Variants in CBLL1 observed in about 807,000 individuals in gnomAD.
CBLL1 encodes the protein E3 ubiquitin-protein ligase Hakai.
Under a neutral mutation model 44.9 loss-of-function variants are expected in CBLL1, and 4 were observed. The observed-to-expected ratio is 0.09, with a 90% confidence interval of 0.04 to 0.20. The LOEUF (loss-of-function observed/expected upper bound fraction) is 0.20. Ranked by LOEUF, CBLL1 falls within the 10% of genes least tolerant of loss-of-function variation. CBLL1 has a pLI of 1.00. For missense variants in CBLL1, 569 were observed against 636.7 expected, an observed-to-expected ratio of 0.89 and a Z score of 1.14; for synonymous variants, 235 against 202.2, an observed-to-expected ratio of 1.16 and a Z score of -1.38.
chr7:107,744,298 G>C, intron 1 of CBLL1, 122 bp downstream of exon 1: 4 of 1,210,574 alleles, frequency 3.3e-6, no homozygotes, highest in Non-Finnish European at 4.4e-6. Context: ...GCAGTGAGAA[G>C]AAATCTCACA....
In CBLL1 at chr7:107,758,709, C is replaced by A. The variant is rs942237096; in HGVS notation, c.1007C>A (p.Pro336His). ...PVVSHPHHIMPPQQHYAPPPP... is the reference protein window; with the variant it reads ...PVVSHPHHIMHPQQHYAPPPP... Reference sequence around the variant, plus strand: ...GTATCGCACCCTCATCATATTATGCCTCCACAGCAACATTATGCACCACCC... The same window carrying A: ...GTATCGCACCCTCATCATATTATGCATCCACAGCAACATTATGCACCACCC... The change falls in exon 6 of 6, where the codon CCT becomes CAT. Residue 336 changes from proline (P) to histidine (H), a missense_variant. Physicochemically the swap from Pro to His is moderately conservative, Grantham distance 77. Around this residue, in one of 5 missense-constraint regions of CBLL1, gnomAD observed 228 missense variants for 253.2 expected, o/e 0.90. Coordinates refer to ENST00000440859, the MANE Select transcript of CBLL1 (RefSeq NM_024814.4). This position sits in a 1 kb window ranked among gnomAD's most constrained non-coding sequence, Gnocchi z 4.2. 1.2e-6 allele frequency: 2 copies of A among 1,613,742 alleles called. No individual in the cohort carries two copies. The highest frequency in any genetic ancestry group is 1.3e-5 in the African/African-American group (1 of 74,792).
chr7:107,756,518 C>G (rs1435509201), intron 5 of CBLL1, among the ~76,000 whole-genome samples: 1 of 152,012 alleles, frequency 6.6e-6, no homozygotes, highest in African/African-American at 2.4e-5. Flanking sequence ...ATACATATCA[C>G]TTGTTTTTTG....
At chr7:107,750,155 C>T (rs1303692044) in intron 2 of CBLL1, among the ~76,000 whole-genome samples, 3 of 151,890 alleles carry the variant, frequency 2.0e-5, no homozygotes, top group Non-Finnish European at 4.4e-5. Context: ...TGCTATGTTG[C>T]CCAGGCTGGT....
chr7:107,749,620 G>A (rs1437801055), intron 2 of CBLL1, among the ~76,000 whole-genome samples: 1 of 142,806 alleles, frequency 7.0e-6, no homozygotes, highest in Admixed American at 7.0e-5. Context: ...TTTTTTAAGA[G>A]CAATTTGACA....
chr7:107,755,399 AAT>A lies in CBLL1; in HGVS notation c.367-16_367-15del, dbSNP rs1793485755. 6.8e-7 allele frequency: 1 copy of A among 1,479,602 alleles called. No homozygotes were observed. Among genetic ancestry groups the A allele is most frequent in the Non-Finnish European group, 9.2e-7 (1 of 1,088,070 alleles). The allele number at this position is 1,479,602 out of a possible 1,614,324, so 91.7% of individuals were successfully genotyped here. A position where few individuals can be genotyped will look rare whatever the true frequency, so the allele number is the denominator to read the frequency against. On this transcript the variant is annotated splice_polypyrimidine_tract_variant and intron_variant, in intron 4 of 5. Coordinates refer to ENST00000440859, the MANE Select transcript of CBLL1 (RefSeq NM_024814.4). ...TATAAGTTCTAATATGCTTAACTGTAATATGTCTTTGTTTACAGATTCCATGC... is the reference window on the plus strand; with the variant it reads ...TATAAGTTCTAATATGCTTAACTGTAATGTCTTTGTTTACAGATTCCATGC...
chr7:107,753,107 G>A (rs867678292), intron 2 of CBLL1, among the ~76,000 whole-genome samples: 1 of 152,124 alleles, frequency 6.6e-6, no homozygotes, highest in African/African-American at 2.4e-5. Flanking sequence ...ATTGATAAGA[G>A]CATTTGAATG....
At chr7:107,754,386 G>GC (rs1793438443) in intron 4 of CBLL1, among the ~76,000 whole-genome samples, 1 of 151,710 alleles carries the variant, frequency 6.6e-6, no homozygotes, top group African/African-American at 2.4e-5. Flanking sequence ...GCTCAGAGAG[G>GC]CTTAATAGTA....
chr7:107,746,604 T>A (rs1793031374), intron 1 of CBLL1, among the ~76,000 whole-genome samples: 2 of 152,220 alleles, frequency 1.3e-5, no homozygotes, highest in South Asian at 4.1e-4. Context: ...AGCTAGATAA[T>A]TGAAGAATCA....
At chr7:107,748,321 T>G (rs1793107298) in intron 1 of CBLL1, among the ~76,000 whole-genome samples, 1 of 152,250 alleles carries the variant, frequency 6.6e-6, no homozygotes, top group Admixed American at 6.5e-5. Flanking sequence ...TTACTATATT[T>G]CTGAATGATT....
At chr7:107,753,093 A>C (rs911251684) in intron 2 of CBLL1, among the ~76,000 whole-genome samples, 1 of 152,226 alleles carries the variant, frequency 6.6e-6, no homozygotes, top group African/African-American at 2.4e-5. Flanking sequence ...AAATAGTTTC[A>C]TGAATTGATA....
At chr7:107,753,607 G>A in intron 3 of CBLL1, 96 bp downstream of exon 3, 1 of 633,844 alleles carries the variant, frequency 1.6e-6, no homozygotes, top group Non-Finnish European at 2.6e-6. Context: ...AGTACATTAA[G>A]AATATTATGA....
rs763150452 is a variant in CBLL1, at chr7:107,758,492, C to G, written c.790C>G (p.Pro264Ala). Residue 264 changes from proline (P) to alanine (A), a missense_variant, in exon 6 of 6, where the codon CCA (proline) becomes GCA (alanine). By Grantham distance (27) the Pro-to-Ala change is conservative. Coordinates refer to ENST00000440859, the MANE Select transcript of CBLL1 (RefSeq NM_024814.4). This position sits in a 1 kb window ranked among gnomAD's most constrained non-coding sequence, Gnocchi z 4.2. ...NQPHEDIRAP[P>A]AELSMAPPPP... ...GCCACATGAGGATATTCGTGCTCCTCCAGCAGAATTGTCCATGGCTCCACC... is the reference window on the plus strand; with the variant it reads ...GCCACATGAGGATATTCGTGCTCCTGCAGCAGAATTGTCCATGGCTCCACC... The G allele has an allele frequency of 2.5e-6, 4 of 1,614,042 alleles. No homozygotes were observed. The Admixed American group carries it at 5.0e-5, about 20-fold the overall frequency.
intron 2 of CBLL1, among the ~76,000 whole-genome samples, chr7:107,751,203 AC>A (rs542261130): frequency 1.5e-3 from 231 of 152,214 alleles, no homozygotes; most frequent in African/African-American, 5.1e-3. Flanking sequence ...AGGAGCACCA[AC>A]CTAGATCCCT....
chr7:107,745,038 GTA>G (rs1792941175), intron 1 of CBLL1, among the ~76,000 whole-genome samples: 1 of 152,066 alleles, frequency 6.6e-6, no homozygotes, highest in Non-Finnish European at 1.5e-5. Flanking sequence ...AATTAGGTGT[GTA>G]TGTTTATTTA....
intron 5 of CBLL1, among the ~76,000 whole-genome samples, chr7:107,757,740 C>G (rs1195230030): frequency 1.3e-5 from 2 of 152,202 alleles, no homozygotes; most frequent in Non-Finnish European, 2.9e-5. Flanking sequence ...GCTCAACAAA[C>G]AGTTATCACT....
At chr7:107,746,130 G>C (rs746335697) in intron 1 of CBLL1, among the ~76,000 whole-genome samples, 1 of 152,156 alleles carries the variant, frequency 6.6e-6, no homozygotes, top group Non-Finnish European at 1.5e-5. Flanking sequence ...TTTGATGTTA[G>C]AATAGCAAAC....
chr7:107,750,200 A>C (rs150539876), intron 2 of CBLL1, among the ~76,000 whole-genome samples: 1 of 152,080 alleles, frequency 6.6e-6, no homozygotes, highest in African/African-American at 2.4e-5. Context: ...CTCTTGCCTT[A>C]GCCTCCCAAG....
rs1057039815 is a variant in CBLL1 at position 107,758,356 on chromosome 7, G to A, written c.654G>A (p.Glu218=). 2.5e-6 allele frequency: 4 copies of A among 1,613,880 alleles called. No individual in the cohort carries two copies. The highest frequency in any genetic ancestry group is 3.4e-6 in the Non-Finnish European group (4 of 1,180,018). The change falls in exon 6 of 6, where the codon GAG becomes GAA. Residue 218 remains glutamate, a synonymous_variant. Transcript: ENST00000440859. The surrounding 1 kb of genome is among the most constrained non-coding windows in gnomAD (Gnocchi z 4.2). ...PIAPPPTEIP[E]RFIMPPDKHH... The stretch of plus-strand genomic sequence containing the variant: ...CCCCACCACCAACTGAAATCCCTGA[G>A]CGTTTTATAATGCCACCAGACAAGC...
intron 1 of CBLL1, among the ~76,000 whole-genome samples, chr7:107,747,959 G>A (rs2115599084): frequency 6.6e-6 from 1 of 152,122 alleles, no homozygotes. Flanking sequence ...TACGTTATTT[G>A]TATTTCCTAT....
Sources: allele counts gnomAD v4.1 joint callset (sites outside exome capture counted in the v4.1 genomes callset), GRCh38; gene constraint gnomAD v4.1.1; regional missense constraint gnomAD v4.1.1; non-coding constraint Gnocchi (gnomAD v3.1); transcripts MANE v1.5; gene names NCBI Gene and HGNC (gene_info 2026-07-23, HGNC 2026-07-21).